The following AP3B2 variants were observed in gnomAD, a reference collection of about 807,000 sequenced individuals.
The protein encoded by AP3B2 is adaptor related protein complex 3 subunit beta 2, also known as AP-3 complex subunit beta-2.
A neutral mutation model predicts 126.9 loss-of-function variants in AP3B2; 50 were observed. The observed-to-expected ratio is 0.39, with a 90% confidence interval of 0.31 to 0.50. The LOEUF is 0.50. Ranked by LOEUF, AP3B2 falls within the 20% of genes least tolerant of loss-of-function variation. The pLI, the probability that AP3B2 is intolerant of heterozygous loss-of-function variation, is 0.79. For missense variants in AP3B2, 1,177 were observed against 1,426.4 expected, an observed-to-expected ratio of 0.83 and a Z score of 2.82; for synonymous variants, 541 against 565.0, an observed-to-expected ratio of 0.96 and a Z score of 0.60.
intron 15 of AP3B2, 38 bp downstream of exon 15, chr15:82,666,709 A>T (rs761680108): frequency 8.2e-6 from 13 of 1,594,796 alleles, no homozygotes; most frequent in Non-Finnish European, 1.0e-5. Context: ...GTTCCTTTCC[A>T]TTCCCCTAGG....
intron 1 of AP3B2, among the ~76,000 whole-genome samples, chr15:82,701,966 C>A (rs1451514103): frequency 6.6e-6 from 1 of 152,258 alleles, no homozygotes; most frequent in South Asian, 2.1e-4. Context: ...CTGACCACTC[C>A]CTCCTTCTTG....
chr15:82,681,518 G>C lies in AP3B2; in HGVS notation c.423C>G (p.Ile141Met). ...TAGCTAGCATCATGATGGGCACTATGATGGGCACACGGATGCTAGAGAGGA... is the reference window on the plus strand; with the variant it reads ...TAGCTAGCATCATGATGGGCACTATCATGGGCACACGGATGCTAGAGAGGA... Reference protein sequence around the residue: ...LRVLSSIRVPIIVPIMMLAIK... With the variant: ...LRVLSSIRVPMIVPIMMLAIK... The change falls in exon 5 of 27, where the codon ATC (isoleucine) becomes ATG (methionine). Residue 141 changes from isoleucine to methionine, a missense_variant. Transcript: ENST00000535359. The surrounding 1 kb of genome is among the most constrained non-coding windows in gnomAD (Gnocchi z 4.0). 1.2e-6 allele frequency: 2 copies of C among 1,613,990 alleles called. No individual in the cohort carries two copies. The highest frequency in any genetic ancestry group is 1.7e-6 in the Non-Finnish European group (2 of 1,179,892).
rs1416714040 is a variant in AP3B2 at position 82,688,425 on chromosome 15, C to CT, written c.360+310dup. 9 of 702,116 alleles carry CT rather than the reference C, an allele frequency of 1.3e-5. No homozygotes were observed. The Admixed American group carries it at 1.8e-4, about 14-fold the overall frequency. 43.5% of individuals were successfully genotyped at this position (702,116 alleles called of 1,614,324 possible). On this transcript the variant is annotated intron_variant, in intron 4 of 26. Coordinates refer to ENST00000535359, the MANE Select transcript of AP3B2 (RefSeq NM_001278512.2). ...AAAGGGGGGTGAGGGTTGAGGGGTT[C>CT]TCCATTGCTAGAGACTCTCCACTCT...
chr15:82,692,034 T>TC, intron 1 of AP3B2: 1 of 1,474,988 alleles, frequency 6.8e-7, no homozygotes, highest in Non-Finnish European at 9.4e-7. Flanking sequence ...CCTGAGGAAG[T>TC]CCTGAAACAA....
chr15:82,661,996 G>A, intron 24 of AP3B2, 74 bp from the exon 25 acceptor site: 1 of 1,434,058 alleles, frequency 7.0e-7, no homozygotes, highest in Non-Finnish European at 9.7e-7. Context: ...CTGTGTAGAG[G>A]CACAGCTTGG....
At chr15:82,673,087 T>C (rs2048184638) in intron 14 of AP3B2, among the ~76,000 whole-genome samples, 1 of 152,216 alleles carries the variant, frequency 6.6e-6, no homozygotes, top group Non-Finnish European at 1.5e-5. Flanking sequence ...TCTCGACCCA[T>C]AGACACTGAG....
At chr15:82,696,263 T>C (rs539495840) in intron 1 of AP3B2, among the ~76,000 whole-genome samples, 2 of 152,234 alleles carry the variant, frequency 1.3e-5, no homozygotes, top group South Asian at 4.2e-4. Flanking sequence ...ATATTTGGGA[T>C]ATGGTAAATT....
intron 10 of AP3B2, among the ~76,000 whole-genome samples, chr15:82,679,244 C>T (rs1024362525): frequency 2.0e-5 from 3 of 152,192 alleles, no homozygotes; most frequent in African/African-American, 7.2e-5. Flanking sequence ...TAGCCTCAGC[C>T]TCTCGAGTAG....
chr15:82,683,047 G>GTTTTGT (rs2048368471), intron 4 of AP3B2, among the ~76,000 whole-genome samples: 1 of 77,716 alleles, frequency 1.3e-5, no homozygotes, highest in African/African-American at 4.5e-5. Flanking sequence ...TGCACCAGGA[G>GTTTTGT]TTTTTTTTTT....
chr15:82,709,248 A>G (rs1272728997), intron 1 of AP3B2, among the ~76,000 whole-genome samples: 2 of 152,266 alleles, frequency 1.3e-5, no homozygotes, highest in Admixed American at 1.3e-4. Flanking sequence ...ATTTTTGGGA[A>G]GCCAACCCGC....
chr15:82,665,268 G>C lies in AP3B2; in HGVS notation c.2007C>G (p.Gly669=), dbSNP rs2048031321. 6.5e-7 allele frequency: 1 copy of C among 1,541,956 alleles called. No individual in the cohort carries two copies. The highest frequency in any genetic ancestry group is 8.7e-7 in the Non-Finnish European group (1 of 1,150,208). ...EDLSLIETHV[G]LLGEYTEVPE... is the part of the protein sequence containing the mutation. ...GGACCTCAGTGTATTCGCCCAACAG[G>C]CCCACGTGAGTCTCAATAAGGGAGA... is the stretch of plus-strand genomic sequence containing the variant. The change falls in exon 17 of 27, where the codon GGC becomes GGG. Residue 669 remains glycine (G), a synonymous_variant. Transcript: ENST00000535359. The surrounding 1 kb of genome is among the most constrained non-coding windows in gnomAD (Gnocchi z 4.4).
Position 82,688,798 on chromosome 15 carries a change from A to G in AP3B2, c.298T>C (p.Tyr100His). ...KKLVYVYLVR[Y>H]AEEQQDLALL... ...GCCAGGTCTTGCTGCTCCTCAGCGT[A>G]GCGTACCAGGTACACATAGACAAGC... Residue 100 changes from tyrosine (Y) to histidine (H), a missense_variant, in exon 4 of 27, where the codon TAC becomes CAC. By Grantham distance (83) the Tyr-to-His change is moderately conservative. Around this residue, in one of 5 missense-constraint regions of AP3B2, gnomAD observed 130 missense variants for 262.0 expected, o/e 0.50. Coordinates refer to ENST00000535359, the MANE Select transcript of AP3B2 (RefSeq NM_001278512.2). 1 of 1,613,040 alleles carries G rather than the reference A, an allele frequency of 6.2e-7. No individual in the cohort carries two copies. Among genetic ancestry groups the G allele is most frequent in the South Asian group, 1.1e-5 (1 of 90,748 alleles).
chr15:82,682,395 G>C (rs998072826), intron 4 of AP3B2, among the ~76,000 whole-genome samples: 1 of 152,010 alleles, frequency 6.6e-6, no homozygotes. Flanking sequence ...TATACAGAAC[G>C]TATAAAAGCA....
chr15:82,677,050 CAA>C (rs1945668963), intron 13 of AP3B2, among the ~76,000 whole-genome samples: 2 of 152,158 alleles, frequency 1.3e-5, no homozygotes, highest in Admixed American at 6.5e-5. Context: ...AGAGAGAAAA[CAA>C]GAGTAGTAGT....
rs529875677 is a variant in AP3B2, at chr15:82,695,378, C to T, written c.114-5925G>A. Among the ~76,000 whole-genome samples, 63 of 152,202 alleles carry T rather than the reference C, an allele frequency of 4.1e-4. 1 individual carries two copies. In the Middle Eastern group the frequency reaches 0.01, roughly 25 times the overall value. On this transcript the variant is annotated intron_variant, in intron 1 of 26. Transcript: ENST00000535359. ...CCTCCAAAAGTGCTGGGATTATAGG[C>T]GTGAGCTGCTGTGCCCAGCTGAGGG...
At chr15:82,700,358 A>G (rs1254599927) in intron 1 of AP3B2, among the ~76,000 whole-genome samples, 1 of 128,114 alleles carries the variant, frequency 7.8e-6, no homozygotes, top group Non-Finnish European at 1.6e-5. Context: ...CTCTTGTCCC[A>G]CTGGTCTCCA....
chr15:82,665,304 CTG>C lies in AP3B2; in HGVS notation c.1972-3_1972-2del, dbSNP rs1259238416. 3.2e-6 allele frequency: 5 copies of C among 1,566,802 alleles called. No homozygotes were observed. The highest frequency in any genetic ancestry group is 4.3e-6 in the Non-Finnish European group (5 of 1,164,030). On this transcript the variant is annotated splice_acceptor_variant and splice_polypyrimidine_tract_variant and intron_variant, in intron 16 of 26. Coordinates refer to ENST00000535359, the MANE Select transcript of AP3B2 (RefSeq NM_001278512.2). LOFTEE classifies it high-confidence loss of function. This position sits in a 1 kb window ranked among gnomAD's most constrained non-coding sequence, Gnocchi z 4.4. ...TCTCAATAAGGGAGAGATCTTCTTC[CTG>C]TGTGTGTGGGGGAGGGTGTTAGGAG...
chr15:82,665,104 G>T lies in AP3B2; in HGVS notation c.2028+143C>A. 1 of 1,053,950 alleles carries T rather than the reference G, an allele frequency of 9.5e-7. No individual in the cohort carries two copies. Among genetic ancestry groups the T allele is most frequent in the Non-Finnish European group, 1.4e-6 (1 of 717,506 alleles). 65.3% of individuals were successfully genotyped at this position (1,053,950 alleles called of 1,614,324 possible). A position where few individuals can be genotyped will look rare whatever the true frequency, so the allele number is the denominator to read the frequency against. On this transcript the variant is annotated intron_variant, in intron 17 of 26. Transcript: ENST00000535359. This position sits in a 1 kb window ranked among gnomAD's most constrained non-coding sequence, Gnocchi z 4.4. ...GAAGAAAGGGGCACTGTCCATGGAG[G>T]GGAGGGAATGCTGCTCACAGAGGAG...
chr15:82,677,649 A>G, intron 12 of AP3B2, 22 bp downstream of exon 12: 2 of 1,511,356 alleles, frequency 1.3e-6, no homozygotes, highest in Non-Finnish European at 1.8e-6. Context: ...CATCACGGTT[A>G]GACACTCAGG....
Sources: gnomAD v4.1 joint callset for allele counts (sites outside exome capture counted in the v4.1 genomes callset) on GRCh38, gnomAD v4.1.1 for gene constraint, gnomAD v4.1.1 regional missense constraint, Gnocchi (gnomAD v3.1) non-coding constraint, MANE v1.5 for transcripts, NCBI Gene and HGNC (gene_info 2026-07-23, HGNC 2026-07-21) for gene names.